The following GSTA2 variants were observed in gnomAD, a reference collection of about 807,000 sequenced individuals.
The protein encoded by GSTA2 is glutathione S-transferase A2.
In GSTA2, 27 loss-of-function variants were observed where a neutral mutation model predicts 22.4. The ratio of observed to expected loss-of-function variants is 1.21; its 90% CI spans 0.89 to 1.67. The LOEUF (loss-of-function observed/expected upper bound fraction) is 1.67. Ranked by LOEUF, GSTA2 falls within the 40% of genes most tolerant of loss-of-function variation. The pLI, the probability that GSTA2 is intolerant of heterozygous loss-of-function variation, is 0.00. For missense variants in GSTA2, 302 were observed against 260.2 expected, an observed-to-expected ratio of 1.16 and a Z score of -1.11; for synonymous variants, 121 against 86.8, an observed-to-expected ratio of 1.39 and a Z score of -2.19.
At chr6:52,754,898 C>T (rs1762811466) in intron 4 of GSTA2, 45 bp downstream of exon 4, 2 of 1,610,948 alleles carry the variant, frequency 1.2e-6, no homozygotes, top group Non-Finnish European at 1.7e-6. Context: ...GGACCTAAAT[C>T]ACTCTATGTT....
chr6:52,759,459 C>T (rs752778017), intron 1 of GSTA2, among the ~76,000 whole-genome samples: 1 of 151,594 alleles, frequency 6.6e-6, no homozygotes, highest in Admixed American at 6.6e-5. Flanking sequence ...TATCACCAAA[C>T]CCCCAGCTCT....
intron 1 of GSTA2, among the ~76,000 whole-genome samples, chr6:52,758,276 G>A (rs935956486): frequency 7.2e-5 from 11 of 152,146 alleles, no homozygotes; most frequent in Non-Finnish European, 1.3e-4. Flanking sequence ...GGAAGAGGAA[G>A]AATTCAAGAA....
intron 4 of GSTA2, among the ~76,000 whole-genome samples, chr6:52,753,545 G>A (rs910074399): frequency 2.6e-5 from 4 of 152,112 alleles, no homozygotes; most frequent in Admixed American, 6.6e-5. Flanking sequence ...CATGAAAAAC[G>A]TTTCCACAGC....
chr6:52,756,336 C>T, intron 2 of GSTA2, 27 bp from the exon 3 acceptor site: 4 of 1,541,084 alleles, frequency 2.6e-6, no homozygotes, highest in Non-Finnish European at 3.6e-6. Context: ...TAAATATGTT[C>T]TTGTTAGTTC....
Position 52,757,995 on chromosome 6 carries a change from T to C in GSTA2, c.-30-18A>G, listed in dbSNP as rs760170735. The stretch of plus-strand genomic sequence containing the variant: ...CTCTAAGCCTGAGTGAATGAATGAA[T>C]GAATGAATGAATAATTGAAACGATA... On this transcript the variant is annotated intron_variant, in intron 1 of 6. Coordinates refer to ENST00000493422, the MANE Select transcript of GSTA2 (RefSeq NM_000846.5). 5 of 1,280,180 alleles carry C rather than the reference T, an allele frequency of 3.9e-6. No homozygotes were observed. The South Asian group carries it at 6.1e-5, about 15-fold the overall frequency. 79.3% of individuals were successfully genotyped at this position (1,280,180 alleles called of 1,614,324 possible). A position where few individuals can be genotyped will look rare whatever the true frequency, so the allele number is the denominator to read the frequency against.
chr6:52,759,214 G>GGAGGGC (rs1762905390), intron 1 of GSTA2, among the ~76,000 whole-genome samples: 1 of 152,206 alleles, frequency 6.6e-6, no homozygotes, highest in Non-Finnish European at 1.5e-5. Flanking sequence ...CTTTGCATGT[G>GGAGGGC]TGCATGCTCA....
rs374723122 is a variant in GSTA2, at chr6:52,751,156, G to C, written c.546+421C>G. Among the ~76,000 whole-genome samples the C allele has an allele frequency of 1.5e-3, 233 of 152,210 alleles. 1 individual carries two copies. Among genetic ancestry groups the C allele is most frequent in the African/African-American group, 5.4e-3 (223 of 41,520 alleles). On this transcript the variant is annotated intron_variant, in intron 6 of 6. Coordinates refer to ENST00000493422, the MANE Select transcript of GSTA2 (RefSeq NM_000846.5). ...TCGGGGGCAGAGTGCTGGAGAGCTGGGCAGAGAGGAACAAAATGTCTGACA... is the reference window on the plus strand; with the variant it reads ...TCGGGGGCAGAGTGCTGGAGAGCTGCGCAGAGAGGAACAAAATGTCTGACA...
chr6:52,757,322 TA>T (rs1360611827), intron 2 of GSTA2, among the ~76,000 whole-genome samples: 1 of 132,246 alleles, frequency 7.6e-6, no homozygotes, highest in African/African-American at 2.9e-5. Flanking sequence ...ATTCTCCTTA[TA>T]CTTCTCACCT....
chr6:52,755,782 GT>G (rs1762830722), intron 3 of GSTA2, among the ~76,000 whole-genome samples: 1 of 151,526 alleles, frequency 6.6e-6, no homozygotes. Flanking sequence ...GTTCTGAGAG[GT>G]TTTTATATAA....
intron 1 of GSTA2, among the ~76,000 whole-genome samples, chr6:52,761,239 T>A (rs1762944952): frequency 6.6e-6 from 1 of 152,220 alleles, no homozygotes; most frequent in African/African-American, 2.4e-5. Context: ...TGGGTGAGGC[T>A]CTGGACACAT....
intron 5 of GSTA2, 82 bp downstream of exon 5, chr6:52,752,772 C>T: frequency 6.5e-7 from 1 of 1,546,972 alleles, no homozygotes. Context: ...AAGTGAAGAT[C>T]AGTGCCCCAG....
chr6:52,751,753 G>A (rs1383002084), intron 5 of GSTA2, 45 bp from the exon 6 acceptor site: 1 of 1,613,680 alleles, frequency 6.2e-7, no homozygotes. Context: ...GCCCACCCAG[G>A]CTGGGACCCC....
In GSTA2 at chr6:52,755,041, A is replaced by T. The variant is rs1435900126; in HGVS notation, c.174T>A (p.Val58=). 1 of 1,613,532 alleles carries T rather than the reference A, an allele frequency of 6.2e-7. No homozygotes were observed. Among genetic ancestry groups the T allele is most frequent in the Non-Finnish European group, 8.5e-7 (1 of 1,179,480 alleles). The change falls in exon 4 of 7, where the codon GTT becomes GTA. Residue 58 remains valine, a synonymous_variant. Coordinates refer to ENST00000493422, the MANE Select transcript of GSTA2 (RefSeq NM_000846.5). ...GYLMFQQVPM[V]EIDGMKLVQT... ...GCACCAGCTTCATCCCATCAATCTC[A>T]ACCATTGGCACTTGCTGGAACATCA...
chr6:52,751,962 C>G (rs1444466116), intron 5 of GSTA2, among the ~76,000 whole-genome samples: 1 of 152,208 alleles, frequency 6.6e-6, no homozygotes, highest in Non-Finnish European at 1.5e-5. Context: ...CACTACCCAC[C>G]CAGCTTGCTT....
chr6:52,751,659 CG>C lies in GSTA2; in HGVS notation c.463del (p.Arg155GlyfsTer27), dbSNP rs2127284647. On this transcript the variant is annotated frameshift_variant, in exon 6 of 7. Transcript: ENST00000493422. LOFTEE classifies it high-confidence loss of function. ...AAGTTCCACCAGGTGAATGTCAGCC[CG>C]GCTCAGCTTGTTGCCAACAAGGTAG... ...QDYLVGNKLS[R>X]ADIHLVELLY... The C allele has an allele frequency of 3.1e-6, 5 of 1,614,130 alleles. No homozygotes were observed. In the East Asian group the frequency reaches 1.1e-4, roughly 36 times the overall value.
At chr6:52,756,493 G>A (rs1762848399) in intron 2 of GSTA2, among the ~76,000 whole-genome samples, 184 bp from the exon 3 acceptor site, 1 of 152,186 alleles carries the variant, frequency 6.6e-6, no homozygotes, top group South Asian at 2.1e-4. Flanking sequence ...AAAAGTGCAT[G>A]GGTCACAGCA....
chr6:52,751,234 T>C (rs73740509), intron 6 of GSTA2, among the ~76,000 whole-genome samples: 2,720 of 152,180 alleles, frequency 0.018, 89 homozygotes, highest in African/African-American at 0.061. Flanking sequence ...CTGCTCAGAC[T>C]GACTCAATGT....
Position 52,756,827 on chromosome 6 carries a change from T to C in GSTA2, c.88-518A>G, listed in dbSNP as rs181820657. On this transcript the variant is annotated intron_variant, in intron 2 of 6. Transcript: ENST00000493422. ...CGCCACTGTTGCACAGCTTTCACAC[T>C]TGCAACTGTAATTTTCTCTTCTGAA... is the stretch of plus-strand genomic sequence containing the variant. Among the ~76,000 whole-genome samples the C allele has an allele frequency of 5.8e-3, 878 of 152,374 alleles. 10 individuals are homozygous for C. The highest frequency in any genetic ancestry group is 0.02 in the African/African-American group (823 of 41,590).
intron 1 of GSTA2, among the ~76,000 whole-genome samples, chr6:52,759,563 G>GTTTTTTTTTTGTTTTTT (rs1762913585): frequency 2.9e-5 from 1 of 34,164 alleles, no homozygotes; most frequent in Admixed American, 4.8e-4. Flanking sequence ...GTATTTATTT[G>GTTTTTTTTTTGTTTTTT]TTTTTTTTTT....
Sources: allele counts gnomAD v4.1 joint callset (sites outside exome capture counted in the v4.1 genomes callset), GRCh38; gene constraint gnomAD v4.1.1; transcripts MANE v1.5; gene names NCBI Gene and HGNC (gene_info 2026-07-23, HGNC 2026-07-21).